LSM14A: variants seen among roughly 807,000 people sequenced by gnomAD.
LSM14A encodes the protein LSM14A mRNA processing body assembly factor, also known as protein LSM14 homolog A.
A neutral mutation model predicts 52.4 loss-of-function variants in LSM14A; 14 were observed. That is an observed-to-expected ratio of 0.27 (90% CI 0.18 to 0.42). The LOEUF (loss-of-function observed/expected upper bound fraction) is 0.42. Among genes scored for constraint, LSM14A ranks in the 10% least tolerant of loss-of-function variants. LSM14A has a pLI of 1.00. For synonymous variants in LSM14A, 185 were observed against 200.3 expected (o/e 0.92, Z 0.64); for missense variants, 417 against 581.8 (o/e 0.72, Z 2.91).
At position 34,208,898 on chromosome 19, in the gene LSM14A, T is replaced by A. The variant is rs766336257; in HGVS notation, c.416-31T>A. ...GAATAATGTCAAACATTTTTTAAAATTTTTTTATCATTTAAAAACATCTCT... is the reference window on the plus strand; with the variant it reads ...GAATAATGTCAAACATTTTTTAAAAATTTTTTATCATTTAAAAACATCTCT... On this transcript the variant is annotated intron_variant, in intron 3 of 9. Transcript: ENST00000544216. 5.9e-5 allele frequency: 88 copies of A among 1,488,800 alleles called. 1 individual carries two copies. Among genetic ancestry groups the A allele is most frequent in the Non-Finnish European group, 7.4e-5 (82 of 1,110,188 alleles). 92.2% of individuals were successfully genotyped at this position (1,488,800 alleles called of 1,614,324 possible). A position where few individuals can be genotyped will look rare whatever the true frequency, so the allele number is the denominator to read the frequency against.
chr19:34,172,622 G>A lies in LSM14A; in HGVS notation c.-21G>A. On this transcript the variant is annotated 5_prime_UTR_variant, in exon 1 of 10. Coordinates refer to ENST00000544216, the MANE Select transcript of LSM14A (RefSeq NM_015578.4). ...GGGATCTGCCTCTCTGCGAGCAGCT[G>A]GGAGCGGCGGCGGCGGCGCCATGAG... is the stretch of plus-strand genomic sequence containing the variant. The A allele has an allele frequency of 6.4e-7, 1 of 1,551,206 alleles. No homozygotes were observed. The highest frequency in any genetic ancestry group is 1.2e-5 in the South Asian group (1 of 84,440).
rs903468863 is a variant in LSM14A, at chr19:34,209,009, T to G, written c.496T>G (p.Phe166Val). ...LPQSSAVGSA[F>V]TQDTRSLKTQ... ...CCAAAGTAGTGCGGTTGGTTCTGCC[T>G]TTACACAGGATACAAGATCTCTAAA... is the stretch of plus-strand genomic sequence containing the variant. The change falls in exon 4 of 10, where the codon TTT (phenylalanine) becomes GTT (valine). Residue 166 changes from phenylalanine (F) to valine (V), a missense_variant. Phe to Val is a conservative substitution (Grantham distance 50). Coordinates refer to ENST00000544216, the MANE Select transcript of LSM14A (RefSeq NM_015578.4). 2 of 1,610,122 alleles carry G rather than the reference T, an allele frequency of 1.2e-6. No homozygotes were observed. The highest frequency in any genetic ancestry group is 2.7e-5 in the African/African-American group (2 of 74,902).
At chr19:34,192,316 G>GGTTTTTTTTTTTTTTTTTT (rs1341848304) in intron 1 of LSM14A, among the ~76,000 whole-genome samples, 1 of 65,822 alleles carries the variant, frequency 1.5e-5, no homozygotes. Flanking sequence ...CATTCTTTTT[G>GGTTTTTTTTTTTTTTTTTT]TTGTTTTTTT....
chr19:34,178,428 A>G lies in LSM14A; in HGVS notation c.121+5665A>G, dbSNP rs140245920. Reference sequence around the variant, plus strand: ...GCAACCTAGAAAGGCTTTGATGTCAATCTGCTATGTATGTTTATAGATGAT... The same window carrying G: ...GCAACCTAGAAAGGCTTTGATGTCAGTCTGCTATGTATGTTTATAGATGAT... On this transcript the variant is annotated intron_variant, in intron 1 of 9. Transcript: ENST00000544216. Among the ~76,000 whole-genome samples, 10 of 152,312 alleles carry G rather than the reference A, an allele frequency of 6.6e-5. No homozygotes were observed. The East Asian group carries it at 1.5e-3, about 24-fold the overall frequency.
At chr19:34,217,605 T>TCCCC (rs371434451) in intron 6 of LSM14A, among the ~76,000 whole-genome samples, 1 of 55,512 alleles carries the variant, frequency 1.8e-5, no homozygotes, top group African/African-American at 7.3e-5. Context: ...TATTTTTATA[T>TCCCC]CCCCCCCCCC....
chr19:34,221,347 G>C, intron 8 of LSM14A, 160 bp from the exon 9 acceptor site: 5 of 801,392 alleles, frequency 6.2e-6, no homozygotes, highest in Non-Finnish European at 9.7e-6. Context: ...CTCCCAAAGT[G>C]CTGGGATTAC....
At chr19:34,213,980 G>T (rs949857410) in intron 4 of LSM14A, among the ~76,000 whole-genome samples, 2 of 151,802 alleles carry the variant, frequency 1.3e-5, no homozygotes, top group Admixed American at 1.3e-4. Flanking sequence ...ACAGGCTTTC[G>T]CCATGTTGTT....
At chr19:34,209,695 T>G (rs1346212183) in intron 4 of LSM14A, among the ~76,000 whole-genome samples, 1 of 152,176 alleles carries the variant, frequency 6.6e-6, no homozygotes, top group Non-Finnish European at 1.5e-5. Context: ...TTTCTTAATC[T>G]TTTTCTTTCT....
rs747595833 is a variant in LSM14A at position 34,219,854 on chromosome 19, T to C, written c.1113T>C (p.Asp371=). 1.9e-6 allele frequency: 3 copies of C among 1,611,204 alleles called. No individual in the cohort carries two copies. The highest frequency in any genetic ancestry group is 1.7e-6 in the Non-Finnish European group (2 of 1,177,980). The part of the protein sequence containing the change: ...CYYDKTKSFF[D]NISCDDNRER... ...ATGACAAAACTAAATCCTTCTTTGATAATATTTCTTGTGATGACAATAGGT... is the reference window on the plus strand; with the variant it reads ...ATGACAAAACTAAATCCTTCTTTGACAATATTTCTTGTGATGACAATAGGT... The change falls in exon 8 of 10, where the codon GAT becomes GAC. Residue 371 remains aspartate (D), a synonymous_variant. Coordinates refer to ENST00000544216, the MANE Select transcript of LSM14A (RefSeq NM_015578.4).
At chr19:34,185,696 A>G (rs2069849879) in intron 1 of LSM14A, among the ~76,000 whole-genome samples, 1 of 152,230 alleles carries the variant, frequency 6.6e-6, no homozygotes, top group Non-Finnish European at 1.5e-5. Context: ...TTAAATCCAT[A>G]TATAATACCT....
At chr19:34,173,516 C>T (rs1053899240) in intron 1 of LSM14A, among the ~76,000 whole-genome samples, 1 of 152,166 alleles carries the variant, frequency 6.6e-6, no homozygotes, top group African/African-American at 2.4e-5. Context: ...GTTGACTGAT[C>T]CCTCTGGAGG....
intron 9 of LSM14A, among the ~76,000 whole-genome samples, chr19:34,224,496 C>T (rs2145904400): frequency 6.6e-6 from 1 of 152,282 alleles, no homozygotes; most frequent in Middle Eastern, 3.4e-3. Context: ...TCATAGTTAC[C>T]TCCATGCATC....
At chr19:34,195,423 C>T (rs1791481207) in intron 2 of LSM14A, 1 of 152,120 alleles carries the variant, frequency 6.6e-6, no homozygotes, top group Non-Finnish European at 1.5e-5. Context: ...GGTGATCCGC[C>T]CACCTCAGCC....
intron 3 of LSM14A, among the ~76,000 whole-genome samples, chr19:34,201,896 G>A (rs1009645517): frequency 2.0e-5 from 3 of 151,786 alleles, no homozygotes; most frequent in East Asian, 1.9e-4. Flanking sequence ...ACCACAGGTC[G>A]CTGCAGCCTA....
chr19:34,172,844 C>T (rs1033738152), intron 1 of LSM14A, 81 bp downstream of exon 1: 32 of 1,435,372 alleles, frequency 2.2e-5, no homozygotes, highest in South Asian at 8.3e-5. Flanking sequence ...GCGGCCTCCT[C>T]GTTCCCTCCC....
At chr19:34,187,725 T>C (rs2070037059) in intron 1 of LSM14A, among the ~76,000 whole-genome samples, 1 of 152,222 alleles carries the variant, frequency 6.6e-6, no homozygotes, top group South Asian at 2.1e-4. Context: ...GGGAAGTTTG[T>C]CACTACAACT....
intron 3 of LSM14A, among the ~76,000 whole-genome samples, chr19:34,202,289 T>G (rs1163996390): frequency 4.0e-5 from 6 of 149,668 alleles, no homozygotes; most frequent in Non-Finnish European, 8.9e-5. Flanking sequence ...AGCTCAGGAG[T>G]TGGAGACCAG....
intron 1 of LSM14A, among the ~76,000 whole-genome samples, chr19:34,190,537 C>CAA (rs555521021): frequency 1.6e-5 from 2 of 127,152 alleles, no homozygotes; most frequent in Non-Finnish European, 3.4e-5. Flanking sequence ...ATCAACTAGC[C>CAA]AAAAAAAAAA....
At chr19:34,222,994 A>G (rs534852764) in intron 9 of LSM14A, among the ~76,000 whole-genome samples, 34 of 152,142 alleles carry the variant, frequency 2.2e-4, no homozygotes, top group African/African-American at 4.8e-5. Flanking sequence ...CAACCACCCA[A>G]TTTGGGGTCT....
Sources: allele counts gnomAD v4.1 joint callset (sites outside exome capture counted in the v4.1 genomes callset), GRCh38; gene constraint gnomAD v4.1.1; transcripts MANE v1.5; gene names NCBI Gene and HGNC (gene_info 2026-07-23, HGNC 2026-07-21).